CYP39A1: variants seen among roughly 807,000 people sequenced by gnomAD.
CYP39A1 encodes 24-hydroxycholesterol 7-alpha-hydroxylase.
CYP39A1 carries 49 observed loss-of-function variants against 58.1 expected under a neutral mutation model. The ratio of observed to expected loss-of-function variants is 0.84; its 90% confidence interval spans 0.67 to 1.07. The LOEUF is 1.07. Among genes scored for constraint, CYP39A1 ranks in the 50% least tolerant of loss-of-function variants. CYP39A1 has a pLI of 0.00. For synonymous variants in CYP39A1, 209 were observed against 187.6 expected, an observed-to-expected ratio of 1.11 and a Z score of -0.93; for missense variants, 531 against 539.4, an observed-to-expected ratio of 0.98 and a Z score of 0.16.
chr6:46,552,444 A>G (rs1236790011), intron 11 of CYP39A1, among the ~76,000 whole-genome samples: 1 of 152,226 alleles, frequency 6.6e-6, no homozygotes, highest in African/African-American at 2.4e-5. Flanking sequence ...AAATGCTGAA[A>G]TGTGCATATT....
At chr6:46,588,183 A>T (rs1772593633) in intron 8 of CYP39A1, 54 bp from the exon 9 acceptor site, 1 of 1,070,868 alleles carries the variant, frequency 9.3e-7, no homozygotes, top group African/African-American at 1.6e-5. Flanking sequence ...CTTTAAAGAG[A>T]ATTTGGGCCA....
At chr6:46,602,689 C>CAAAAAAAAA (rs35833432) in intron 7 of CYP39A1, among the ~76,000 whole-genome samples, 2 of 46,896 alleles carry the variant, frequency 4.3e-5, no homozygotes, top group Non-Finnish European at 8.2e-5. Flanking sequence ...GTGCACGTCT[C>CAAAAAAAAA]AAAAAAAAAA....
Position 46,652,697 on chromosome 6 carries a change from T to C in CYP39A1, c.-115A>G, listed in dbSNP as rs1314887299. The C allele has an allele frequency of 1.1e-5, 10 of 945,832 alleles. No homozygotes were observed. Among genetic ancestry groups the C allele is most frequent in the Non-Finnish European group, 1.4e-5 (9 of 645,910 alleles). 58.6% of individuals were successfully genotyped at this position (945,832 alleles called of 1,614,324 possible). On this transcript the variant is annotated 5_prime_UTR_variant, in exon 1 of 12. Transcript: ENST00000275016. ...GACTCCCAACCTTTCTGCTGCAACT[T>C]TTGCAGCTCTCCTTCGTAACTGTAG...
In CYP39A1 at chr6:46,591,936, A is replaced by G. The variant is rs150624074; in HGVS notation, c.1066-3807T>C. Among the ~76,000 whole-genome samples the G allele has an allele frequency of 7.3e-3, 1,114 of 152,302 alleles. 12 individuals are homozygous for G. The highest frequency in any genetic ancestry group is 0.024 in the African/African-American group (1,011 of 41,582). ...ATAACATTTTAATTCTTTTGGCTTT[A>G]TAACAGGTTTTAAAGGATAATTAAT... is the stretch of plus-strand genomic sequence containing the variant. On this transcript the variant is annotated intron_variant, in intron 8 of 11. Transcript: ENST00000275016.
chr6:46,623,751 A>G (rs1364908066), intron 7 of CYP39A1, among the ~76,000 whole-genome samples: 2 of 152,086 alleles, frequency 1.3e-5, no homozygotes, highest in Admixed American at 6.6e-5. Flanking sequence ...GGACACATGG[A>G]TATCTTCCTT....
At chr6:46,616,259 TCTTCCTTC>T (rs1211600924) in intron 7 of CYP39A1, among the ~76,000 whole-genome samples, 2 of 68,056 alleles carry the variant, frequency 2.9e-5, no homozygotes, top group Admixed American at 2.9e-4. Context: ...TTCCTTCCTT[TCTTCCTTC>T]CTTCCTTCCT....
intron 11 of CYP39A1, among the ~76,000 whole-genome samples, chr6:46,550,897 T>A (rs1278767783): frequency 6.6e-6 from 1 of 152,016 alleles, no homozygotes; most frequent in Non-Finnish European, 1.5e-5. Flanking sequence ...AAAGATATAT[T>A]TTTTTTGAGA....
rs564346356 is a variant in CYP39A1 at position 46,641,943 on chromosome 6, G to A, written c.313+220C>T. On this transcript the variant is annotated intron_variant, in intron 2 of 11. Transcript: ENST00000275016. ...AATGAGGTAACCTTATCACTTTCAC[G>A]TGTCTAATTCAAATCTAAATGTATT... Among the ~76,000 whole-genome samples, 19 of 152,242 alleles carry A rather than the reference G, an allele frequency of 1.2e-4. 1 individual carries two copies. The highest frequency in any genetic ancestry group is 4.1e-4 in the African/African-American group (17 of 41,546).
rs1434191160 is a variant in CYP39A1, at chr6:46,652,568, G to T, written c.15C>A (p.Ser5=). 2 of 1,604,102 alleles carry T rather than the reference G, an allele frequency of 1.2e-6. No individual in the cohort carries two copies. The highest frequency in any genetic ancestry group is 3.4e-5 in the Admixed American group (2 of 58,288). Residue 5 remains serine (S), a synonymous_variant, in exon 1 of 12, where the codon TCC becomes TCA. Coordinates refer to ENST00000275016, the MANE Select transcript of CYP39A1 (RefSeq NM_016593.5). ...AACCCAGGATTATAATCACTGTTGG[G>T]GAAATTAGTTCCATGTTTTTGTCCA... The part of the protein sequence containing the change: MELI[S]PTVIIILGCL...
chr6:46,585,302 AATT>A (rs919878030), intron 10 of CYP39A1, among the ~76,000 whole-genome samples: 1 of 151,550 alleles, frequency 6.6e-6, no homozygotes, highest in Non-Finnish European at 1.5e-5. Flanking sequence ...GATTACAATA[AATT>A]ATTTAGTTGC....
intron 10 of CYP39A1, among the ~76,000 whole-genome samples, chr6:46,585,326 GAT>G (rs1772406091): frequency 1.2e-5 from 1 of 81,550 alleles, no homozygotes; most frequent in Non-Finnish European, 2.9e-5. Flanking sequence ...TATTGGTATA[GAT>G]AGATAGATAG....
rs181789413 is a variant in CYP39A1, at chr6:46,564,342, C to T, written c.1251-10488G>A. On this transcript the variant is annotated intron_variant, in intron 10 of 11. Transcript: ENST00000275016. ...CCAAGTAGCTGGGATTATAGGCACC[C>T]ACCATTACACCCAAGTAATTTTTTT... Among the ~76,000 whole-genome samples the T allele has an allele frequency of 3.8e-3, 580 of 151,780 alleles. 3 individuals carry two copies. Among genetic ancestry groups the T allele is most frequent in the African/African-American group, 0.013 (557 of 41,376 alleles).
At chr6:46,581,743 G>T (rs1313710277) in intron 10 of CYP39A1, among the ~76,000 whole-genome samples, 1 of 152,028 alleles carries the variant, frequency 6.6e-6, no homozygotes, top group African/African-American at 2.4e-5. Context: ...ATCTACCCAT[G>T]CAACAAACTT....
chr6:46,596,255 G>A (rs1311335530), intron 7 of CYP39A1, 135 bp from the exon 8 acceptor site: 5 of 569,876 alleles, frequency 8.8e-6, no homozygotes, highest in African/African-American at 2.0e-5. Context: ...CCTATTACAG[G>A]TTTAGTCATT....
chr6:46,560,246 A>T (rs1488039415), intron 10 of CYP39A1, among the ~76,000 whole-genome samples: 1 of 152,196 alleles, frequency 6.6e-6, no homozygotes, highest in African/African-American at 2.4e-5. Context: ...CAGTTGCTAC[A>T]CTGAGAATAA....
At chr6:46,583,726 G>A (rs1326113877) in intron 10 of CYP39A1, 1 of 340,806 alleles carries the variant, frequency 2.9e-6, no homozygotes, top group Non-Finnish European at 4.2e-6. Context: ...CGAATACGAA[G>A]AGGAACCACA....
At chr6:46,576,377 G>C (rs1454623810) in intron 10 of CYP39A1, among the ~76,000 whole-genome samples, 1 of 152,140 alleles carries the variant, frequency 6.6e-6, no homozygotes, top group East Asian at 1.9e-4. Context: ...AAGATTAAAA[G>C]AACATCAGCT....
intron 1 of CYP39A1, among the ~76,000 whole-genome samples, chr6:46,650,481 ATTCTTTTTTTTTTTTTTTT>A (rs1170649381): frequency 1.8e-5 from 1 of 54,796 alleles, no homozygotes; most frequent in Non-Finnish European, 3.6e-5. Context: ...ATGCAGTCAT[ATTCTTTTTTTTTTTTTTTT>A]TTTTTTTTTT....
chr6:46,579,126 C>A (rs1418083376), intron 10 of CYP39A1, among the ~76,000 whole-genome samples: 1 of 152,014 alleles, frequency 6.6e-6, no homozygotes, highest in Non-Finnish European at 1.5e-5. Flanking sequence ...CTTTGTATCC[C>A]AGGAATAAAG....
Sources: allele counts gnomAD v4.1 joint callset (sites outside exome capture counted in the v4.1 genomes callset), GRCh38; gene constraint gnomAD v4.1.1; transcripts MANE v1.5; gene names NCBI Gene and HGNC (gene_info 2026-07-23, HGNC 2026-07-21).